Variants in CMTM7 observed in about 807,000 individuals in gnomAD.
CMTM7 encodes CKLF like MARVEL transmembrane domain containing 7.
In CMTM7, 7 loss-of-function variants were observed where a neutral mutation model predicts 19.3. The observed-to-expected ratio is 0.36, with a 90% confidence interval of 0.21 to 0.68. The LOEUF (loss-of-function observed/expected upper bound fraction) is 0.68. Among genes scored for constraint, CMTM7 ranks in the 30% least tolerant of loss-of-function variants. CMTM7 has a pLI of 0.60. For missense variants in CMTM7, 193 were observed against 232.6 expected (o/e 0.83, Z 1.11); for synonymous variants, 87 against 99.3 (o/e 0.88, Z 0.74).
At chr3:32,393,058 A>G (rs1171714952) in intron 1 of CMTM7, among the ~76,000 whole-genome samples, 2 of 152,094 alleles carry the variant, frequency 1.3e-5, no homozygotes, top group Non-Finnish European at 2.9e-5. Flanking sequence ...GGTGTGGGGA[A>G]AGGAGTGTGG....
At chr3:32,438,976 G>T (rs893748515) in intron 1 of CMTM7, among the ~76,000 whole-genome samples, 1 of 152,172 alleles carries the variant, frequency 6.6e-6, no homozygotes, top group Non-Finnish European at 1.5e-5. Context: ...CACATTATCT[G>T]CATTTTCAGT....
Position 32,449,388 on chromosome 3 carries a change from C to G in CMTM7, c.334-66C>G. 9.8e-7 allele frequency: 1 copy of G among 1,022,104 alleles called. No individual in the cohort carries two copies. Among genetic ancestry groups the G allele is most frequent in the East Asian group, 2.4e-5 (1 of 42,196 alleles). 63.3% of individuals were successfully genotyped at this position (1,022,104 alleles called of 1,614,324 possible). A position where few individuals can be genotyped will look rare whatever the true frequency, so the allele number is the denominator to read the frequency against. ...CTTTCTTTTCATGTCTTCTGATGCC[C>G]AGTTGCTCTTCCCGGACCAGAAATG... On this transcript the variant is annotated intron_variant, in intron 2 of 4. Transcript: ENST00000334983. The surrounding 1 kb of genome is among the most constrained non-coding windows in gnomAD (Gnocchi z 4.5).
rs142147012 is a variant in CMTM7, at chr3:32,400,145, A to G, written c.159+8080A>G. Among the ~76,000 whole-genome samples, 1,346 of 151,420 alleles carry G rather than the reference A, an allele frequency of 8.9e-3. 21 individuals are homozygous for G. The highest frequency in any genetic ancestry group is 0.031 in the African/African-American group (1,275 of 41,272). On this transcript the variant is annotated intron_variant, in intron 1 of 4. Transcript: ENST00000334983. ...AGCGATTTTCCTGCCTTAGCCTCCC[A>G]AGTAGCTGGGATTACAGCCATGTGC...
rs1696701715 is a variant in CMTM7, at chr3:32,442,851, C to G, written c.333+838C>G. ...TTAGTATATTTCCAGAGTTGTCCAA[C>G]CATTACTACAGTCAACTTGAGAACA... On this transcript the variant is annotated intron_variant, in intron 2 of 4. Coordinates refer to ENST00000334983, the MANE Select transcript of CMTM7 (RefSeq NM_138410.4). 2.0e-5 allele frequency among the ~76,000 whole-genome samples: 3 copies of G among 152,186 alleles called. No individual in the cohort carries two copies. In the South Asian group the frequency reaches 6.2e-4, roughly 32 times the overall value.
chr3:32,442,374 C>CT (rs1696691628), intron 2 of CMTM7, among the ~76,000 whole-genome samples: 1 of 151,766 alleles, frequency 6.6e-6, no homozygotes, highest in African/African-American at 2.4e-5. Flanking sequence ...TGGCGGGTGC[C>CT]TGTAGTCCCA....
At chr3:32,414,994 G>T (rs1696238288) in intron 1 of CMTM7, among the ~76,000 whole-genome samples, 1 of 152,016 alleles carries the variant, frequency 6.6e-6, no homozygotes, top group South Asian at 2.1e-4. Flanking sequence ...GTATTGTCTT[G>T]CCTCTCTTCT....
intron 1 of CMTM7, among the ~76,000 whole-genome samples, chr3:32,416,368 T>TTC (rs1696263750): frequency 1.5e-5 from 1 of 68,758 alleles, no homozygotes; most frequent in Non-Finnish European, 2.7e-5. Context: ...CTAATTTTTT[T>TTC]TTTTTTTTTT....
chr3:32,446,100 C>T (rs1696749759), intron 2 of CMTM7, among the ~76,000 whole-genome samples: 1 of 145,840 alleles, frequency 6.9e-6, no homozygotes, highest in Non-Finnish European at 1.5e-5. Context: ...ATTAATTATT[C>T]CTTAACTATT....
intron 3 of CMTM7, chr3:32,450,985 C>G (rs2125644447): frequency 6.6e-6 from 1 of 152,282 alleles, no homozygotes; most frequent in African/African-American, 2.4e-5. Context: ...AATTAGTAAA[C>G]AAGGCGTTGT....
At chr3:32,436,079 A>C (rs182812224) in intron 1 of CMTM7, among the ~76,000 whole-genome samples, 303 of 152,364 alleles carry the variant, frequency 2.0e-3, no homozygotes, top group Non-Finnish European at 3.9e-3. Flanking sequence ...GTGGTGCATC[A>C]TTGAGCTGCC....
chr3:32,399,850 T>C (rs1163003868), intron 1 of CMTM7, among the ~76,000 whole-genome samples: 1 of 152,056 alleles, frequency 6.6e-6, no homozygotes, highest in African/African-American at 2.4e-5. Context: ...AATGCAAAAA[T>C]AAAATATAAT....
intron 1 of CMTM7, among the ~76,000 whole-genome samples, chr3:32,410,809 C>T (rs749097659): frequency 1.3e-5 from 2 of 152,162 alleles, no homozygotes; most frequent in Non-Finnish European, 2.9e-5. Flanking sequence ...ATCAAAACAA[C>T]AGAAGCAAAC....
intron 1 of CMTM7, among the ~76,000 whole-genome samples, chr3:32,432,980 A>G (rs1205077261): frequency 6.6e-6 from 1 of 152,136 alleles, no homozygotes; most frequent in Non-Finnish European, 1.5e-5. Context: ...CTAAAGAATT[A>G]TGTCCTCCTG....
chr3:32,400,706 G>C (rs1169285297), intron 1 of CMTM7, among the ~76,000 whole-genome samples: 1 of 152,080 alleles, frequency 6.6e-6, no homozygotes, highest in Non-Finnish European at 1.5e-5. Context: ...TGCTTTTCTT[G>C]CTGTTTGTTT....
intron 1 of CMTM7, among the ~76,000 whole-genome samples, chr3:32,402,864 C>T (rs1696031514): frequency 6.6e-6 from 1 of 152,092 alleles, no homozygotes; most frequent in South Asian, 2.1e-4. Flanking sequence ...TGGCCGGCCA[C>T]TCATTTTTTT....
At position 32,391,880 on chromosome 3, in the gene CMTM7, A is replaced by G. The variant is rs2125614476; in HGVS notation, c.-27A>G. On this transcript the variant is annotated 5_prime_UTR_variant, in exon 1 of 5. Transcript: ENST00000334983. ...CTGGCCCCTGGGCAGCTGCCCGGGGAGGCGGCCAGCGAGCTGGGGCCGCGC... is the reference window on the plus strand; with the variant it reads ...CTGGCCCCTGGGCAGCTGCCCGGGGGGGCGGCCAGCGAGCTGGGGCCGCGC... 1 of 1,117,838 alleles carries G rather than the reference A, an allele frequency of 8.9e-7. No homozygotes were observed. The highest frequency in any genetic ancestry group is 4.1e-5 in the East Asian group (1 of 24,134). The allele number at this position is 1,117,838 out of a possible 1,614,324, so 69.2% of individuals were successfully genotyped here.
chr3:32,415,924 A>G (rs1417109364), intron 1 of CMTM7, among the ~76,000 whole-genome samples: 1 of 152,176 alleles, frequency 6.6e-6, no homozygotes, highest in East Asian at 1.9e-4. Context: ...TCTTTGTCCA[A>G]GGTTTCTCAG....
intron 1 of CMTM7, among the ~76,000 whole-genome samples, chr3:32,429,958 G>C (rs1428651610): frequency 6.6e-6 from 1 of 152,164 alleles, no homozygotes; most frequent in Non-Finnish European, 1.5e-5. Flanking sequence ...CAAAAGTAGA[G>C]AGAATAGCAC....
At chr3:32,408,134 A>T (rs1180779920) in intron 1 of CMTM7, among the ~76,000 whole-genome samples, 1 of 152,166 alleles carries the variant, frequency 6.6e-6, no homozygotes, top group Non-Finnish European at 1.5e-5. Flanking sequence ...GCGTCAAGGA[A>T]GTCTCTCCCA....
Sources: allele counts gnomAD v4.1 joint callset (sites outside exome capture counted in the v4.1 genomes callset), GRCh38; gene constraint gnomAD v4.1.1; non-coding constraint Gnocchi (gnomAD v3.1); transcripts MANE v1.5; gene names NCBI Gene and HGNC (gene_info 2026-07-23, HGNC 2026-07-21).